Variants in CCDC85C observed in about 807,000 individuals in gnomAD.
CCDC85C encodes coiled-coil domain containing 85C.
In CCDC85C, 18 loss-of-function variants were observed where a neutral mutation model predicts 38.3. The ratio of observed to expected loss-of-function variants is 0.47; its 90% CI spans 0.33 to 0.70. CCDC85C has a LOEUF of 0.70. Ranked by LOEUF, CCDC85C falls within the 30% of genes least tolerant of loss-of-function variation. CCDC85C has a pLI of 0.03. For missense variants in CCDC85C, 566 were observed against 621.2 expected (o/e 0.91, Z 0.94); for synonymous variants, 264 against 293.8 (o/e 0.90, Z 1.04).
At chr14:99,564,653 T>C (rs2139953698) in intron 1 of CCDC85C, among the ~76,000 whole-genome samples, 1 of 152,306 alleles carries the variant, frequency 6.6e-6, no homozygotes, top group African/African-American at 2.4e-5. Flanking sequence ...TGTCATGCAG[T>C]CCCAGTGGCA....
chr14:99,539,834 T>C lies in CCDC85C; in HGVS notation c.794-3746A>G, dbSNP rs747781102. 3.2e-4 allele frequency among the ~76,000 whole-genome samples: 49 copies of C among 152,174 alleles called. 1 individual carries two copies. The highest frequency in any genetic ancestry group is 1.2e-4 in the Non-Finnish European group (8 of 68,034). On this transcript the variant is annotated intron_variant, in intron 1 of 5. Coordinates refer to ENST00000380243, the MANE Select transcript of CCDC85C (RefSeq NM_001144995.2). ...TTCAAATAATCGACTTGTAGTCTAG[T>C]TCTGAAATCCTTCTTTCAGAAAAAA...
rs118020607 is a variant in CCDC85C at position 99,521,200 on chromosome 14, C to G, written c.975+933G>C. 3.6e-3 allele frequency among the ~76,000 whole-genome samples: 556 copies of G among 152,358 alleles called. 13 individuals are homozygous for G. In the East Asian group the frequency reaches 0.075, roughly 20 times the overall value. Reference sequence around the variant, plus strand: ...GCATCCCTTGGCTTTTCAGAGCCCTCCACCATGAAACAGTTAGAGCCTCGT... The same window carrying G: ...GCATCCCTTGGCTTTTCAGAGCCCTGCACCATGAAACAGTTAGAGCCTCGT... On this transcript the variant is annotated intron_variant, in intron 3 of 5. Coordinates refer to ENST00000380243, the MANE Select transcript of CCDC85C (RefSeq NM_001144995.2).
chr14:99,586,911 A>G (rs1418358370), intron 1 of CCDC85C, among the ~76,000 whole-genome samples: 1 of 152,200 alleles, frequency 6.6e-6, no homozygotes, highest in Non-Finnish European at 1.5e-5. Flanking sequence ...CACCACAGCC[A>G]AGCCCGCAGC....
In CCDC85C at chr14:99,507,062, C is replaced by T. The variant is rs1184437545; in HGVS notation, c.*8184G>A. 3.8e-6 allele frequency: 6 copies of T among 1,566,346 alleles called. No homozygotes were observed. Among genetic ancestry groups the T allele is most frequent in the Non-Finnish European group, 5.3e-6 (6 of 1,136,604 alleles). On this transcript the variant is annotated 3_prime_UTR_variant, in exon 6 of 6. Coordinates refer to ENST00000380243, the MANE Select transcript of CCDC85C (RefSeq NM_001144995.2). Reference sequence around the variant, plus strand: ...GAAGTATGAGTGGTTTTCTAATCTGCTTTTTCTTTGTAGAACCACCACCAC... The same window carrying T: ...GAAGTATGAGTGGTTTTCTAATCTGTTTTTTCTTTGTAGAACCACCACCAC...
chr14:99,510,398 C>T lies in CCDC85C; in HGVS notation c.*4848G>A, dbSNP rs751959442. ...AGAGCCTGCAGTCCATGATGAAGACCGAGGGACCCTCCTACGGTGCCCTGC... is the reference window on the plus strand; with the variant it reads ...AGAGCCTGCAGTCCATGATGAAGACTGAGGGACCCTCCTACGGTGCCCTGC... On this transcript the variant is annotated 3_prime_UTR_variant, in exon 6 of 6. Coordinates refer to ENST00000380243, the MANE Select transcript of CCDC85C (RefSeq NM_001144995.2). 1.5e-5 allele frequency: 23 copies of T among 1,564,192 alleles called. 1 individual carries two copies. The Middle Eastern group carries it at 2.2e-3, about 149-fold the overall frequency.
chr14:99,544,417 G>C lies in CCDC85C; in HGVS notation c.794-8329C>G, dbSNP rs1347585301. Among the ~76,000 whole-genome samples the C allele has an allele frequency of 1.3e-5, 2 of 152,116 alleles. No individual in the cohort carries two copies. Among genetic ancestry groups the C allele is most frequent in the African/African-American group, 4.8e-5 (2 of 41,404 alleles). ...AACTTTCACCTACTCCCCCAACAAA[G>C]AGACCGAGGTTCCGAGGGGCTCCAT... is the stretch of plus-strand genomic sequence containing the variant. On this transcript the variant is annotated intron_variant, in intron 1 of 5. Coordinates refer to ENST00000380243, the MANE Select transcript of CCDC85C (RefSeq NM_001144995.2). This position sits in a 1 kb window ranked among gnomAD's most constrained non-coding sequence, Gnocchi z 5.3.
rs993014639 is a variant in CCDC85C, at chr14:99,545,867, G to A, written c.794-9779C>T. 2.0e-5 allele frequency among the ~76,000 whole-genome samples: 3 copies of A among 152,086 alleles called. No homozygotes were observed. Among genetic ancestry groups the A allele is most frequent in the Non-Finnish European group, 2.9e-5 (2 of 68,014 alleles). On this transcript the variant is annotated intron_variant, in intron 1 of 5. Transcript: ENST00000380243. The surrounding 1 kb of genome is among the most constrained non-coding windows in gnomAD (Gnocchi z 4.7). ...CTGGGCATCAGTTTGCATTTTAAAC[G>A]CCCTGTGGGTGATTCTAACATGCAG...
intron 1 of CCDC85C, among the ~76,000 whole-genome samples, chr14:99,599,595 C>A (rs1316693246): frequency 6.6e-6 from 1 of 152,176 alleles, no homozygotes; most frequent in East Asian, 1.9e-4. Context: ...AGACCTCTAC[C>A]AAAGGCAGCC....
intron 1 of CCDC85C, among the ~76,000 whole-genome samples, chr14:99,565,572 A>T (rs1402649569): frequency 6.6e-6 from 1 of 152,204 alleles, no homozygotes; most frequent in Non-Finnish European, 1.5e-5. Context: ...ACCCAGGGGC[A>T]GAGTGTGTCT....
intron 1 of CCDC85C, among the ~76,000 whole-genome samples, chr14:99,597,836 G>A (rs774552525): frequency 6.6e-6 from 1 of 152,192 alleles, no homozygotes; most frequent in Non-Finnish European, 1.5e-5. Context: ...TGTGTCAGGG[G>A]ATCTCCCACT....
chr14:99,550,439 C>A lies in CCDC85C; in HGVS notation c.794-14351G>T, dbSNP rs189770242. Among the ~76,000 whole-genome samples the A allele has an allele frequency of 3.2e-4, 49 of 152,218 alleles. 1 individual carries two copies. In the East Asian group the frequency reaches 5.0e-3, roughly 16 times the overall value. On this transcript the variant is annotated intron_variant, in intron 1 of 5. Coordinates refer to ENST00000380243, the MANE Select transcript of CCDC85C (RefSeq NM_001144995.2). ...AGAAGGGAACGCAGCCCTGCTGATG[C>A]CTTGATTTTGGCACTTCTGACCTCC... is the stretch of plus-strand genomic sequence containing the variant.
At position 99,603,441 on chromosome 14, in the gene CCDC85C, G is replaced by A. The variant is rs1474184668; in HGVS notation, c.519C>T (p.Gly173=). 3 of 1,267,978 alleles carry A rather than the reference G, an allele frequency of 2.4e-6. No individual in the cohort carries two copies. Among genetic ancestry groups the A allele is most frequent in the East Asian group, 3.4e-5 (1 of 29,688 alleles). The allele number at this position is 1,267,978 out of a possible 1,614,324, so 78.5% of individuals were successfully genotyped here. Residue 173 remains glycine, a synonymous_variant, in exon 1 of 6, where the codon GGC becomes GGT. Coordinates refer to ENST00000380243, the MANE Select transcript of CCDC85C (RefSeq NM_001144995.2). The surrounding 1 kb of genome is among the most constrained non-coding windows in gnomAD (Gnocchi z 7.5). Reference sequence around the variant, plus strand: ...TGTCGATGGAGCTGCGGGAGCCGGCGCCGCCCCCGCCGCCGCCGCCACCGC... The same window carrying A: ...TGTCGATGGAGCTGCGGGAGCCGGCACCGCCCCCGCCGCCGCCGCCACCGC... ...AASGGGGGGG[G]AGSRSSIDSQ...
Position 99,517,111 on chromosome 14 carries a change from C to T in CCDC85C, c.1048G>A (p.Glu350Lys), listed in dbSNP as rs1201518924. The change falls in exon 4 of 6, where the codon GAG (glutamate) becomes AAG (lysine). Residue 350 changes from glutamate to lysine, a missense_variant. Physicochemically the swap from Glu to Lys is moderately conservative, Grantham distance 56. This residue lies in a region of CCDC85C where 286 missense variants were observed against 276.4 expected (regional missense o/e 1.03). Coordinates refer to ENST00000380243, the MANE Select transcript of CCDC85C (RefSeq NM_001144995.2). ...AGYSPAGQKP[E>K]AVVHAMKVLE... Reference sequence around the variant, plus strand: ...ACCTTCATGGCATGCACGACAGCCTCGGGCTTCTGTCCTGCAGGGCTGTAG... The same window carrying T: ...ACCTTCATGGCATGCACGACAGCCTTGGGCTTCTGTCCTGCAGGGCTGTAG... The T allele has an allele frequency of 3.9e-6, 6 of 1,550,352 alleles. No homozygotes were observed. Among genetic ancestry groups the T allele is most frequent in the Non-Finnish European group, 5.2e-6 (6 of 1,146,934 alleles).
Position 99,511,206 on chromosome 14 carries a change from T to C in CCDC85C, c.*4040A>G, listed in dbSNP as rs1212753794. On this transcript the variant is annotated 3_prime_UTR_variant, in exon 6 of 6. Transcript: ENST00000380243. ...TGAAGCCAAGCTGTTGTCATTTTCA[T>C]TCGGTGACATTCTCTCCCATGACAC... 1 of 153,862 alleles carries C rather than the reference T, an allele frequency of 6.5e-6. No homozygotes were observed. Among genetic ancestry groups the C allele is most frequent in the East Asian group, 1.9e-4 (1 of 5,282 alleles). The allele number at this position is 153,862 out of a possible 1,614,324, so 9.5% of individuals were successfully genotyped here.
In CCDC85C at chr14:99,502,379, A is replaced by G; in HGVS notation, c.*12867T>C. On this transcript the variant is annotated 3_prime_UTR_variant, in exon 6 of 6. Coordinates refer to ENST00000380243, the MANE Select transcript of CCDC85C (RefSeq NM_001144995.2). The stretch of plus-strand genomic sequence containing the variant: ...TGTCCCGGTCGACGTTTTGGAAGGT[A>G]CCAGGCATGCTAAGCGTTCTCGTGA... The G allele has an allele frequency of 6.2e-7, 1 of 1,613,286 alleles. No homozygotes were observed. Among genetic ancestry groups the G allele is most frequent in the Non-Finnish European group, 8.5e-7 (1 of 1,179,540 alleles).
In CCDC85C at chr14:99,545,111, G is replaced by T. The variant is rs1178996485; in HGVS notation, c.794-9023C>A. Among the ~76,000 whole-genome samples, 3 of 152,198 alleles carry T rather than the reference G, an allele frequency of 2.0e-5. No individual in the cohort carries two copies. Among genetic ancestry groups the T allele is most frequent in the Non-Finnish European group, 4.4e-5 (3 of 68,034 alleles). On this transcript the variant is annotated intron_variant, in intron 1 of 5. Transcript: ENST00000380243. The surrounding 1 kb of genome is among the most constrained non-coding windows in gnomAD (Gnocchi z 4.7). ...GAAATCTCCTGGTGCTGGCCGGTCA[G>T]CCTTCCCCAGTGAGTGCACGCCTGT... is the stretch of plus-strand genomic sequence containing the variant.
Position 99,603,524 on chromosome 14 carries a change from C to T in CCDC85C, c.436G>A (p.Glu146Lys), listed in dbSNP as rs1001188990. ...ALLRENLELK[E>K]LVLLLDEERA... ...TCCTCGTCCAGCAGCAGCACCAGCTCCTTGAGCTCCAGGTTCTCGCGCAGC... is the reference window on the plus strand; with the variant it reads ...TCCTCGTCCAGCAGCAGCACCAGCTTCTTGAGCTCCAGGTTCTCGCGCAGC... Residue 146 changes from glutamate to lysine, a missense_variant, in exon 1 of 6, where the codon GAG becomes AAG. By Grantham distance (56) the Glu-to-Lys change is moderately conservative. Around this residue, in one of 3 missense-constraint regions of CCDC85C, gnomAD observed 269 missense variants for 308.2 expected, o/e 0.87. Coordinates refer to ENST00000380243, the MANE Select transcript of CCDC85C (RefSeq NM_001144995.2). This position sits in a 1 kb window ranked among gnomAD's most constrained non-coding sequence, Gnocchi z 7.5. The T allele has an allele frequency of 1.2e-5, 17 of 1,370,096 alleles. No homozygotes were observed. In the African/African-American group the frequency reaches 2.1e-4, roughly 17 times the overall value. 84.9% of individuals were successfully genotyped at this position (1,370,096 alleles called of 1,614,324 possible).
chr14:99,600,824 C>T (rs1327036733), intron 1 of CCDC85C, among the ~76,000 whole-genome samples: 1 of 152,188 alleles, frequency 6.6e-6, no homozygotes, highest in Non-Finnish European at 1.5e-5. Context: ...TCAGCTCAGG[C>T]CCAATCTTTG....
chr14:99,556,576 T>G (rs1478471793), intron 1 of CCDC85C, among the ~76,000 whole-genome samples: 2 of 152,200 alleles, frequency 1.3e-5, no homozygotes, highest in Non-Finnish European at 1.5e-5. Flanking sequence ...AGTGCAGCAG[T>G]GTGATCATGG....
Sources: allele counts gnomAD v4.1 joint callset (sites outside exome capture counted in the v4.1 genomes callset), GRCh38; gene constraint gnomAD v4.1.1; regional missense constraint gnomAD v4.1.1; non-coding constraint Gnocchi (gnomAD v3.1); transcripts MANE v1.5; gene names NCBI Gene and HGNC (gene_info 2026-07-23, HGNC 2026-07-21).